The following GRIK3 variants were observed in gnomAD, a reference collection of about 807,000 sequenced individuals.
GRIK3 encodes glutamate ionotropic receptor kainate type subunit 3.
A neutral mutation model predicts 102.5 loss-of-function variants in GRIK3; 29 were observed. That is an observed-to-expected ratio of 0.28 (90% CI 0.21 to 0.39). The LOEUF (loss-of-function observed/expected upper bound fraction) is 0.39, where lower values mean the gene tolerates loss of function less well. Among genes scored for constraint, GRIK3 ranks in the 10% least tolerant of loss-of-function variants. GRIK3 has a pLI of 1.00. For missense variants in GRIK3, 908 were observed against 1,252.4 expected (o/e 0.73, Z 4.15); for synonymous variants, 511 against 504.9 (o/e 1.01, Z -0.16).
intron 2 of GRIK3, among the ~76,000 whole-genome samples, chr1:36,884,502 A>G (rs1166385573): frequency 6.6e-6 from 1 of 152,158 alleles, no homozygotes; most frequent in African/African-American, 2.4e-5. Flanking sequence ...GAAGGAGGCC[A>G]TGTGTGAGTC....
At position 37,028,815 on chromosome 1, in the gene GRIK3, T is replaced by C. The variant is rs79136041; in HGVS notation, c.115+5179A>G. 5.5e-3 allele frequency among the ~76,000 whole-genome samples: 833 copies of C among 152,300 alleles called. 9 individuals carry two copies. Among genetic ancestry groups the C allele is most frequent in the African/African-American group, 0.019 (787 of 41,550 alleles). On this transcript the variant is annotated intron_variant, in intron 1 of 15. Coordinates refer to ENST00000373091, the MANE Select transcript of GRIK3 (RefSeq NM_000831.4). The stretch of plus-strand genomic sequence containing the variant: ...GGCAAGTGACGCCACCAAGCTTAGT[T>C]CCCTCACCTGTAAAATGGGATAATG...
intron 1 of GRIK3, among the ~76,000 whole-genome samples, chr1:37,031,371 AAGAC>A (rs1642826349): frequency 6.6e-6 from 1 of 152,354 alleles, no homozygotes; most frequent in South Asian, 2.1e-4. Context: ...CAATTACAAA[AAGAC>A]AGAGCAATGC....
At chr1:36,812,088 G>T (rs567610211) in intron 13 of GRIK3, among the ~76,000 whole-genome samples, 2 of 152,184 alleles carry the variant, frequency 1.3e-5, no homozygotes, top group South Asian at 4.1e-4. Context: ...ATGTGAGAGA[G>T]GCCAGCAGAT....
At chr1:36,928,568 T>C (rs886956390) in intron 1 of GRIK3, among the ~76,000 whole-genome samples, 2 of 152,186 alleles carry the variant, frequency 1.3e-5, no homozygotes, top group Non-Finnish European at 2.9e-5. Flanking sequence ...CTTGCATGCA[T>C]GTAGGTTCAG....
rs576827823 is a variant in GRIK3, at chr1:36,797,163, G to T, written c.*4688C>A. 6.6e-6 allele frequency: 1 copy of T among 152,224 alleles called. No homozygotes were observed. Among genetic ancestry groups the T allele is most frequent in the South Asian group, 2.1e-4 (1 of 4,806 alleles). 9.4% of individuals were successfully genotyped at this position (152,224 alleles called of 1,614,324 possible). ...TGAGACCTCCGTCCCAGACTTTGCT[G>T]CTGCAGCCCCCATCTCTCATCTGGT... On this transcript the variant is annotated 3_prime_UTR_variant, in exon 16 of 16. Coordinates refer to ENST00000373091, the MANE Select transcript of GRIK3 (RefSeq NM_000831.4).
chr1:36,912,510 C>T (rs1301731951), intron 1 of GRIK3, among the ~76,000 whole-genome samples: 1 of 152,054 alleles, frequency 6.6e-6, no homozygotes, highest in Non-Finnish European at 1.5e-5. Flanking sequence ...TCTCTCTTCC[C>T]TGCTCCCTCA....
At chr1:36,957,915 CG>C (rs202117426) in intron 1 of GRIK3, among the ~76,000 whole-genome samples, 835 of 75,012 alleles carry the variant, frequency 0.011, 83 homozygotes, top group East Asian at 0.027. Context: ...GTCTGTGCCC[CG>C]TGAGCCTGTG....
intron 1 of GRIK3, among the ~76,000 whole-genome samples, chr1:37,030,942 T>C (rs1182556012): frequency 6.6e-6 from 1 of 152,098 alleles, no homozygotes; most frequent in African/African-American, 2.4e-5. Context: ...TGGTGGCAGA[T>C]GCAGCAGAAA....
intron 5 of GRIK3, among the ~76,000 whole-genome samples, chr1:36,864,598 C>A (rs1247514288): frequency 6.6e-6 from 1 of 152,168 alleles, no homozygotes; most frequent in Non-Finnish European, 1.5e-5. Context: ...GTGGAACCAG[C>A]CCTTCTGGTC....
Position 36,949,574 on chromosome 1 carries a change from C to CTTTTTTTT in GRIK3, c.116-58486_116-58479dup, listed in dbSNP as rs60157852. Among the ~76,000 whole-genome samples the CTTTTTTTT allele has an allele frequency of 2.0e-3, 196 of 99,684 alleles. 1 individual carries two copies. Among genetic ancestry groups the CTTTTTTTT allele is most frequent in the East Asian group, 2.9e-3 (11 of 3,736 alleles). 65.4% of individuals were successfully genotyped at this position (99,684 alleles called of 152,430 possible). A position where few individuals can be genotyped will look rare whatever the true frequency, so the allele number is the denominator to read the frequency against. ...TTTTTTTCTTTCTCTCTCTCTCTTT[C>CTTTTTTTT]TTTTTTTTTTTTTTTTTTTTTTTGA... On this transcript the variant is annotated intron_variant, in intron 1 of 15. Transcript: ENST00000373091.
intron 1 of GRIK3, among the ~76,000 whole-genome samples, chr1:36,989,135 C>A (rs1642337720): frequency 6.6e-6 from 1 of 152,216 alleles, no homozygotes; most frequent in Non-Finnish European, 1.5e-5. Context: ...CCTCACTCCC[C>A]CTTCACATTC....
At chr1:36,822,315 G>T (rs896657877) in intron 11 of GRIK3, among the ~76,000 whole-genome samples, 1 of 152,186 alleles carries the variant, frequency 6.6e-6, no homozygotes, top group African/African-American at 2.4e-5. Context: ...TTCTAGAATG[G>T]GCTTCTTGGC....
chr1:36,908,828 GA>G (rs1307798253), intron 1 of GRIK3, among the ~76,000 whole-genome samples: 2 of 151,554 alleles, frequency 1.3e-5, no homozygotes, highest in Non-Finnish European at 2.9e-5. Flanking sequence ...TGTGTAAGAT[GA>G]GTCCCAGAAG....
At chr1:36,975,203 C>T (rs1488766010) in intron 1 of GRIK3, among the ~76,000 whole-genome samples, 1 of 150,820 alleles carries the variant, frequency 6.6e-6, no homozygotes, top group African/African-American at 2.4e-5. Flanking sequence ...TTTAAATATA[C>T]ATAAATAGCA....
Position 36,996,522 on chromosome 1 carries a change from C to A in GRIK3, c.115+37472G>T, listed in dbSNP as rs496691. 2.2e-3 allele frequency among the ~76,000 whole-genome samples: 339 copies of A among 152,238 alleles called. 4 individuals carry two copies. Among genetic ancestry groups the A allele is most frequent in the African/African-American group, 7.7e-3 (322 of 41,556 alleles). ...GGGGCAGCTGACCTGCAGGTCCTAA[C>A]CAGAGGACAGGGCTACTCAAAGAGA... On this transcript the variant is annotated intron_variant, in intron 1 of 15. Transcript: ENST00000373091.
At chr1:36,874,976 C>G (rs1640897401) in intron 3 of GRIK3, among the ~76,000 whole-genome samples, 1 of 152,210 alleles carries the variant, frequency 6.6e-6, no homozygotes. Context: ...CTGGCTGCTC[C>G]CCTAATCAAT....
intron 9 of GRIK3, 100 bp from the exon 10 acceptor site, chr1:36,842,039 T>C: frequency 2.1e-6 from 2 of 974,022 alleles, no homozygotes; most frequent in East Asian, 4.8e-5. Flanking sequence ...CTCATGTTTT[T>C]ATAAACCCCT....
intron 3 of GRIK3, among the ~76,000 whole-genome samples, chr1:36,873,844 G>C (rs1436565796): frequency 1.3e-5 from 2 of 152,194 alleles, no homozygotes; most frequent in Non-Finnish European, 2.9e-5. Context: ...CACAAAAAGA[G>C]GGTGAGAAAC....
intron 1 of GRIK3, among the ~76,000 whole-genome samples, chr1:36,935,528 C>T (rs1162750024): frequency 6.6e-6 from 1 of 151,958 alleles, no homozygotes; most frequent in African/African-American, 2.4e-5. Context: ...GCAGCCTTCC[C>T]TTCTCCTCCC....
Sources: gnomAD v4.1 joint callset for allele counts (sites outside exome capture counted in the v4.1 genomes callset) on GRCh38, gnomAD v4.1.1 for gene constraint, MANE v1.5 for transcripts, NCBI Gene and HGNC (gene_info 2026-07-23, HGNC 2026-07-21) for gene names.